Variants in INSC observed in about 807,000 individuals in gnomAD.
INSC encodes protein inscuteable homolog.
A neutral mutation model predicts 58.6 loss-of-function variants in INSC; 67 were observed. The observed-to-expected ratio is 1.14, with a 90% CI of 0.94 to 1.40. The LOEUF (loss-of-function observed/expected upper bound fraction) is 1.40, where lower values mean the gene tolerates loss of function less well. Ranked by LOEUF, INSC falls within the 40% of genes most tolerant of loss-of-function variation. The probability of loss-of-function intolerance (pLI) is 0.00; values close to 1 mark genes in which losing one functional copy is unlikely to be tolerated. For synonymous variants in INSC, 262 were observed against 276.1 expected, an observed-to-expected ratio of 0.95 and a Z score of 0.51; for missense variants, 714 against 692.0, an observed-to-expected ratio of 1.03 and a Z score of -0.36.
At chr11:15,171,160 G>T (rs527960703) in intron 2 of INSC, among the ~76,000 whole-genome samples, 1 of 152,232 alleles carries the variant, frequency 6.6e-6, no homozygotes, top group Non-Finnish European at 1.5e-5. Context: ...GGGTTGGGTT[G>T]GTTCTTTCCT....
At chr11:15,222,767 G>A (rs1033225064) in intron 8 of INSC, among the ~76,000 whole-genome samples, 8 of 152,118 alleles carry the variant, frequency 5.3e-5, no homozygotes, top group South Asian at 4.2e-4. Context: ...CTAGTCATGG[G>A]GGCAGTGGCA....
chr11:15,156,083 A>G (rs1350461041), intron 2 of INSC, among the ~76,000 whole-genome samples: 3 of 152,138 alleles, frequency 2.0e-5, no homozygotes, highest in Admixed American at 2.0e-4. Flanking sequence ...TCCCATGAGG[A>G]TATCTCCCCA....
At chr11:15,192,755 A>G (rs1395001542) in intron 6 of INSC, among the ~76,000 whole-genome samples, 1 of 152,154 alleles carries the variant, frequency 6.6e-6, no homozygotes, top group Non-Finnish European at 1.5e-5. Flanking sequence ...GGAGTATTTT[A>G]AATAACCTCC....
chr11:15,161,144 G>A (rs1025763943), intron 2 of INSC, among the ~76,000 whole-genome samples: 3 of 152,170 alleles, frequency 2.0e-5, no homozygotes, highest in African/African-American at 7.2e-5. Context: ...GAGGGCCACT[G>A]CCTGGAGAAA....
At chr11:15,248,094 C>T (rs141404197), downstream of INSC, among the ~76,000 whole-genome samples, 1 of 152,310 alleles carries the variant, frequency 6.6e-6, no homozygotes, top group East Asian at 1.9e-4. Context: ...AAGTGCCTTT[C>T]TCTTGAAACT....
intron 2 of INSC, among the ~76,000 whole-genome samples, chr11:15,160,376 A>G (rs975789027): frequency 1.3e-5 from 2 of 152,168 alleles, no homozygotes; most frequent in Middle Eastern, 3.2e-3. Context: ...GGGCTGGGAC[A>G]ATGGTTGGAA....
intron 1 of INSC, among the ~76,000 whole-genome samples, chr11:15,128,382 G>A (rs965101609): frequency 4.6e-5 from 7 of 152,154 alleles, no homozygotes; most frequent in Admixed American, 1.3e-4. Context: ...ACAAAGTGGT[G>A]TCATAATGTC....
chr11:15,123,282 A>G (rs1847917312), intron 1 of INSC, among the ~76,000 whole-genome samples: 1 of 152,206 alleles, frequency 6.6e-6, no homozygotes, highest in Non-Finnish European at 1.5e-5. Flanking sequence ...ACATTTATTT[A>G]TGTAATCATT....
chr11:15,229,961 TA>T lies in INSC; in HGVS notation c.1170+4134del, dbSNP rs1458489604. ...ATATATATAATATTATATATATATT[TA>T]TATATATATATATATATTATATATA... On this transcript the variant is annotated intron_variant, in intron 9 of 12. Coordinates refer to ENST00000379556, the MANE Select transcript of INSC (RefSeq NM_001042536.3). Among the ~76,000 whole-genome samples the T allele has an allele frequency of 1.2e-3, 39 of 33,168 alleles. 1 individual carries two copies. Among genetic ancestry groups the T allele is most frequent in the Middle Eastern group, 0.013 (1 of 80 alleles). The allele number at this position is 33,168 out of a possible 152,430, so 21.8% of individuals were successfully genotyped here.
At chr11:15,238,871 A>G (rs1852229509) in intron 10 of INSC, 48 bp from the exon 11 acceptor site, 4 of 1,581,258 alleles carry the variant, frequency 2.5e-6, no homozygotes, top group Non-Finnish European at 3.5e-6. Flanking sequence ...CCCATGGGGA[A>G]GGCTCCATGC....
the INSC span, among the ~76,000 whole-genome samples, chr11:15,266,300 G>T: frequency 6.6e-6 from 1 of 151,268 alleles, no homozygotes; most frequent in Non-Finnish European, 1.5e-5. Context: ...GATTTGAATT[G>T]CAAGGACATG....
intron 1 of INSC, among the ~76,000 whole-genome samples, chr11:15,119,667 G>A (rs1026206603): frequency 2.6e-5 from 4 of 152,228 alleles, no homozygotes; most frequent in East Asian, 1.9e-4. Context: ...TGTAAGCTAC[G>A]TTGTGGGCCT....
intron 5 of INSC, 32 bp from the exon 6 acceptor site, chr11:15,190,669 A>G (rs1564893883): frequency 6.9e-7 from 1 of 1,455,912 alleles, no homozygotes. Context: ...GGTGGTGAGT[A>G]ACTACTAGCT....
intron 6 of INSC, among the ~76,000 whole-genome samples, chr11:15,192,128 C>T (rs1850201271): frequency 6.6e-6 from 1 of 152,186 alleles, no homozygotes; most frequent in African/African-American, 2.4e-5. Context: ...TCCTTTTAAG[C>T]CTTCATATCA....
intron 11 of INSC, 70 bp downstream of exon 11, chr11:15,239,144 A>C: frequency 6.6e-7 from 1 of 1,513,244 alleles, no homozygotes; most frequent in Admixed American, 1.8e-5. Flanking sequence ...CTCTGATTTC[A>C]CAGTGGCAAC....
At chr11:15,257,698 A>T in the INSC span, among the ~76,000 whole-genome samples, 1 of 152,146 alleles carries the variant, frequency 6.6e-6, no homozygotes, top group African/African-American at 2.4e-5. Flanking sequence ...GGAGATTTGG[A>T]CATAGAGACA....
At chr11:15,187,877 A>T (rs917755968) in intron 5 of INSC, among the ~76,000 whole-genome samples, 4 of 152,132 alleles carry the variant, frequency 2.6e-5, no homozygotes, top group Non-Finnish European at 4.4e-5. Flanking sequence ...TCCTGAAAAA[A>T]ATCACCTTGA....
intron 2 of INSC, among the ~76,000 whole-genome samples, chr11:15,167,750 T>G (rs1849252929): frequency 6.6e-6 from 1 of 152,030 alleles, no homozygotes; most frequent in South Asian, 2.1e-4. Flanking sequence ...TCCCAAAGTG[T>G]TGGGATTACA....
rs1049971859 is a variant in INSC, at chr11:15,227,509, C to T, written c.1170+1681C>T. Reference sequence around the variant, plus strand: ...AAGAAGAGCATGAGTAGTGAATTATCCAAAATCCTCAACTTGGCCCTCCAA... The same window carrying T: ...AAGAAGAGCATGAGTAGTGAATTATTCAAAATCCTCAACTTGGCCCTCCAA... On this transcript the variant is annotated intron_variant, in intron 9 of 12. Transcript: ENST00000379556. Among the ~76,000 whole-genome samples the T allele has an allele frequency of 1.0e-3, 159 of 152,296 alleles. 1 individual carries two copies. The highest frequency in any genetic ancestry group is 3.8e-3 in the African/African-American group (157 of 41,556).
Sources: allele counts gnomAD v4.1 joint callset (sites outside exome capture counted in the v4.1 genomes callset), GRCh38; gene constraint gnomAD v4.1.1; transcripts MANE v1.5; gene names NCBI Gene and HGNC (gene_info 2026-07-23, HGNC 2026-07-21).